Variants in RECK observed in about 807,000 individuals in gnomAD.
RECK encodes the protein reversion inducing cysteine rich protein with kazal motifs, also known as reversion-inducing cysteine-rich protein with Kazal motifs.
A neutral mutation model predicts 115.1 loss-of-function variants in RECK; 69 were observed. The observed-to-expected ratio is 0.60, with a 90% CI of 0.49 to 0.73. The LOEUF (loss-of-function observed/expected upper bound fraction) is 0.73. RECK is among the 30% of genes least tolerant of loss of function. The probability of loss-of-function intolerance (pLI) is 0.00; values close to 1 mark genes in which losing one functional copy is unlikely to be tolerated. For synonymous variants in RECK, 414 were observed against 419.7 expected (o/e 0.99, Z 0.17); for missense variants, 1,047 against 1,203.7 (o/e 0.87, Z 1.93).
chr9:36,106,827 G>A (rs1049325963), intron 13 of RECK, among the ~76,000 whole-genome samples: 1 of 151,488 alleles, frequency 6.6e-6, no homozygotes, highest in Non-Finnish European at 1.5e-5. Flanking sequence ...TTCAGGGGCC[G>A]GGCGCAGTGG....
At position 36,087,656 on chromosome 9, in the gene RECK, A is replaced by G. The variant is rs1217960885; in HGVS notation, c.638-38A>G. 4 of 1,588,212 alleles carry G rather than the reference A, an allele frequency of 2.5e-6. No homozygotes were observed. The African/African-American group carries it at 5.4e-5, about 22-fold the overall frequency. ...AAAGTACAATAAAAACAAACAAAAA[A>G]AACAGCTAATTAAGCCACTTATATT... is the stretch of plus-strand genomic sequence containing the variant. On this transcript the variant is annotated intron_variant, in intron 8 of 20. Transcript: ENST00000377966.
chr9:36,097,713 A>G (rs1032488774), intron 10 of RECK, among the ~76,000 whole-genome samples: 4 of 152,224 alleles, frequency 2.6e-5, no homozygotes, highest in Non-Finnish European at 4.4e-5. Flanking sequence ...AGCGTGTTGA[A>G]GAGATATTTC....
chr9:36,052,406 G>A, intron 2 of RECK, 83 bp downstream of exon 2: 2 of 1,010,280 alleles, frequency 2.0e-6, no homozygotes, highest in Admixed American at 1.7e-5. Flanking sequence ...GCCAGGGTGG[G>A]AGGATTGCTT....
chr9:36,122,248 C>A (rs895184742), intron 20 of RECK, among the ~76,000 whole-genome samples: 4 of 152,206 alleles, frequency 2.6e-5, no homozygotes, highest in Non-Finnish European at 5.9e-5. Flanking sequence ...GGAACGAAGG[C>A]AAGCAGTCTG....
intron 9 of RECK, among the ~76,000 whole-genome samples, chr9:36,089,349 G>T (rs1272724035): frequency 6.6e-6 from 1 of 152,168 alleles, no homozygotes; most frequent in East Asian, 1.9e-4. Context: ...GGGTTTTATG[G>T]TTTGCTGAAG....
intron 11 of RECK, 145 bp from the exon 12 acceptor site, chr9:36,101,949 A>G (rs1339676432): frequency 1.4e-6 from 1 of 722,848 alleles, no homozygotes; most frequent in Non-Finnish European, 2.2e-6. Context: ...ATTCAACCTG[A>G]GCTCTCCTGT....
At chr9:36,106,615 G>A (rs1452719007) in intron 13 of RECK, among the ~76,000 whole-genome samples, 2 of 151,946 alleles carry the variant, frequency 1.3e-5, no homozygotes, top group Admixed American at 6.6e-5. Flanking sequence ...TAATATATGT[G>A]TAATACTGTA....
intron 8 of RECK, among the ~76,000 whole-genome samples, chr9:36,084,777 C>T (rs1390967443): frequency 6.6e-6 from 1 of 151,946 alleles, no homozygotes; most frequent in Non-Finnish European, 1.5e-5. Flanking sequence ...CCGAGTTGGC[C>T]AGCATAGTGA....
At chr9:36,120,078 CA>C (rs1159817230) in intron 18 of RECK, among the ~76,000 whole-genome samples, 1 of 151,750 alleles carries the variant, frequency 6.6e-6, no homozygotes, top group Admixed American at 6.6e-5. Context: ...ACTAAAAATA[CA>C]AAAAAATTAG....
In RECK at chr9:36,087,848, T is replaced by C; in HGVS notation, c.792T>C (p.Phe264=). 1 of 1,614,062 alleles carries C rather than the reference T, an allele frequency of 6.2e-7. No individual in the cohort carries two copies. The highest frequency in any genetic ancestry group is 1.1e-5 in the South Asian group (1 of 91,076). The change falls in exon 9 of 21, where the codon TTT becomes TTC. Residue 264 remains phenylalanine, a synonymous_variant. Coordinates refer to ENST00000377966, the MANE Select transcript of RECK (RefSeq NM_021111.3). The part of the protein sequence containing the change: ...PLPQDPLWQC[F]LESSQSVHPG... ...CTCAAGATCCTCTTTGGCAATGTTT[T>C]CTTGAAAGCTCACAATCTGTTCACC...
At chr9:36,105,016 G>A (rs1823743424) in intron 12 of RECK, 127 bp from the exon 13 acceptor site, 2 of 629,740 alleles carry the variant, frequency 3.2e-6, no homozygotes, top group Non-Finnish European at 5.4e-6. Context: ...TTAATAGCTT[G>A]GTAGAATCAG....
chr9:36,087,446 A>C (rs551663174), intron 8 of RECK, among the ~76,000 whole-genome samples: 3 of 152,298 alleles, frequency 2.0e-5, no homozygotes, highest in Admixed American at 6.5e-5. Context: ...AACTATGAGA[A>C]CACATGGACA....
chr9:36,112,850 T>A (rs1225201187), intron 16 of RECK, among the ~76,000 whole-genome samples: 2 of 152,210 alleles, frequency 1.3e-5, no homozygotes, highest in Admixed American at 6.5e-5. Context: ...AACATTGTTA[T>A]CTCCATAACA....
intron 10 of RECK, among the ~76,000 whole-genome samples, chr9:36,092,777 T>A (rs190096648): frequency 7.9e-5 from 12 of 151,700 alleles, no homozygotes; most frequent in Non-Finnish European, 1.5e-4. Context: ...TTTCTTTTCA[T>A]GGGGAGTAGA....
chr9:36,038,813 CA>C lies in RECK; in HGVS notation c.100+1726del, dbSNP rs398039899. 7.1e-3 allele frequency among the ~76,000 whole-genome samples: 1,004 copies of C among 141,478 alleles called. 8 individuals carry two copies. Among genetic ancestry groups the C allele is most frequent in the African/African-American group, 0.023 (893 of 38,900 alleles). The allele number at this position is 141,478 out of a possible 152,430, so 92.8% of individuals were successfully genotyped here. ...TGTGGTAAAACAAACAAACAAACAA[CA>C]AAAAAAAAAACAAGAAACTTTTTTG... On this transcript the variant is annotated intron_variant, in intron 1 of 20. Coordinates refer to ENST00000377966, the MANE Select transcript of RECK (RefSeq NM_021111.3).
chr9:36,075,206 A>C (rs1038860980), intron 6 of RECK, among the ~76,000 whole-genome samples: 2 of 152,232 alleles, frequency 1.3e-5, no homozygotes, highest in African/African-American at 4.8e-5. Flanking sequence ...CTGTACAATA[A>C]ATAGATATAA....
chr9:36,120,763 T>C lies in RECK; in HGVS notation c.2538+27T>C, dbSNP rs769918693. The C allele has an allele frequency of 3.3e-5, 47 of 1,409,362 alleles. 1 individual carries two copies. The highest frequency in any genetic ancestry group is 4.4e-5 in the Non-Finnish European group (44 of 994,236). The allele number at this position is 1,409,362 out of a possible 1,614,324, so 87.3% of individuals were successfully genotyped here. On this transcript the variant is annotated intron_variant, in intron 19 of 20. Transcript: ENST00000377966. ...TAAATTGCTTTATATTCAGATGCTA[T>C]TGAAATCTTATTGCTAAGCCTCTCA...
chr9:36,117,576 C>G (rs544212411), intron 17 of RECK, among the ~76,000 whole-genome samples: 1 of 152,316 alleles, frequency 6.6e-6, no homozygotes, highest in South Asian at 2.1e-4. Context: ...CACATCAGTC[C>G]CACCTCCCAA....
At position 36,111,636 on chromosome 9, in the gene RECK, C is replaced by T. The variant is rs1008366607; in HGVS notation, c.1889-669C>T. 2.4e-4 allele frequency among the ~76,000 whole-genome samples: 36 copies of T among 152,242 alleles called. 1 individual carries two copies. Among genetic ancestry groups the T allele is most frequent in the African/African-American group, 6.7e-4 (28 of 41,544 alleles). ...CTCGAACTCCCGACCTCAGGTGATC[C>T]GCCCACCTCAGCCTCTCAAAGTGCT... On this transcript the variant is annotated intron_variant, in intron 15 of 20. Transcript: ENST00000377966.
Sources: allele counts gnomAD v4.1 joint callset (sites outside exome capture counted in the v4.1 genomes callset), GRCh38; gene constraint gnomAD v4.1.1; transcripts MANE v1.5; gene names NCBI Gene and HGNC (gene_info 2026-07-23, HGNC 2026-07-21).